KCNIP4: variants seen among roughly 807,000 people sequenced by gnomAD.
KCNIP4 encodes the protein potassium voltage-gated channel interacting protein 4, also known as Kv channel-interacting protein 4.
KCNIP4 carries 12 observed loss-of-function variants against 34.0 expected under a neutral mutation model. That is an observed-to-expected ratio of 0.35 (90% CI 0.23 to 0.57). The LOEUF (loss-of-function observed/expected upper bound fraction) is 0.57, where lower values mean the gene tolerates loss of function less well. KCNIP4 is among the 20% of genes least tolerant of loss of function. The pLI, the probability that KCNIP4 is intolerant of heterozygous loss-of-function variation, is 0.83. For missense variants in KCNIP4, 238 were observed against 311.7 expected (o/e 0.76, Z 1.78); for synonymous variants, 124 against 102.2 (o/e 1.21, Z -1.29).
At chr4:21,688,556 C>G (rs984598339) in intron 1 of KCNIP4, among the ~76,000 whole-genome samples, 2 of 151,850 alleles carry the variant, frequency 1.3e-5, no homozygotes, top group African/African-American at 2.4e-5. Flanking sequence ...TATCAGAGCT[C>G]AAAAAGAAAA....
intron 1 of KCNIP4, among the ~76,000 whole-genome samples, chr4:21,118,956 T>TTATG (rs1749914473): frequency 6.6e-6 from 1 of 152,180 alleles, no homozygotes; most frequent in Non-Finnish European, 1.5e-5. Context: ...TCAGTCACCA[T>TTATG]TATGTTTGAA....
intron 1 of KCNIP4, among the ~76,000 whole-genome samples, chr4:21,780,464 G>A (rs1315688795): frequency 3.3e-5 from 5 of 152,140 alleles, no homozygotes; most frequent in Admixed American, 6.5e-5. Context: ...AGACTTGTGA[G>A]CTATTTTTTT....
At chr4:21,858,703 T>C (rs1053542181) in intron 1 of KCNIP4, among the ~76,000 whole-genome samples, 10 of 152,254 alleles carry the variant, frequency 6.6e-5, no homozygotes, top group Non-Finnish European at 1.5e-4. Context: ...TCACTCCTAA[T>C]TGTGTGTGCT....
chr4:20,898,080 TA>T (rs1322807817), intron 1 of KCNIP4, among the ~76,000 whole-genome samples: 4 of 151,942 alleles, frequency 2.6e-5, no homozygotes, highest in African/African-American at 7.2e-5. Context: ...CATAGGAGGG[TA>T]AGTTCCCTCT....
intron 3 of KCNIP4, among the ~76,000 whole-genome samples, chr4:20,825,650 G>C (rs1055693949): frequency 6.6e-6 from 1 of 152,178 alleles, no homozygotes; most frequent in Non-Finnish European, 1.5e-5. Flanking sequence ...GCAGATAATG[G>C]GACACACAGC....
At chr4:21,704,400 C>A (rs1713105950) in intron 1 of KCNIP4, among the ~76,000 whole-genome samples, 1 of 151,966 alleles carries the variant, frequency 6.6e-6, no homozygotes, top group Non-Finnish European at 1.5e-5. Context: ...TCATCAGAGA[C>A]CCTGTCAAGA....
chr4:21,515,361 G>A (rs1203184371), intron 1 of KCNIP4, among the ~76,000 whole-genome samples: 2 of 152,162 alleles, frequency 1.3e-5, no homozygotes, highest in African/African-American at 4.8e-5. Flanking sequence ...ACTTTAGGCT[G>A]AGTGAGGTGG....
At chr4:21,277,900 A>G (rs763492613) in intron 1 of KCNIP4, among the ~76,000 whole-genome samples, 3 of 152,206 alleles carry the variant, frequency 2.0e-5, no homozygotes, top group Non-Finnish European at 4.4e-5. Flanking sequence ...AAAATGCTAA[A>G]CAGCTTCCAG....
At position 21,302,021 on chromosome 4, in the gene KCNIP4, A is replaced by G. The variant is rs570230372; in HGVS notation, c.62-419312T>C. ...TCCTAACAATCACTGGAAATCATAT[A>G]TGAAGTTTATATTAAAGTTTCTGAG... On this transcript the variant is annotated intron_variant, in intron 1 of 8. Transcript: ENST00000382152. Among the ~76,000 whole-genome samples the G allele has an allele frequency of 3.9e-5, 6 of 152,320 alleles. No homozygotes were observed. In the East Asian group the frequency reaches 1.2e-3, roughly 29 times the overall value.
intron 1 of KCNIP4, among the ~76,000 whole-genome samples, chr4:21,290,453 A>G (rs932104068): frequency 1.3e-5 from 2 of 152,232 alleles, no homozygotes; most frequent in Non-Finnish European, 2.9e-5. Flanking sequence ...TTCAAAGAAG[A>G]AATGAAAAAT....
At chr4:21,553,071 G>T (rs1172573225) in intron 1 of KCNIP4, among the ~76,000 whole-genome samples, 1 of 151,528 alleles carries the variant, frequency 6.6e-6, no homozygotes, top group East Asian at 2.0e-4. Context: ...GGTGAAGAAA[G>T]CACAGATGAA....
intron 1 of KCNIP4, among the ~76,000 whole-genome samples, chr4:21,471,135 G>A (rs1560438263): frequency 2.0e-5 from 3 of 152,128 alleles, no homozygotes; most frequent in African/African-American, 7.2e-5. Flanking sequence ...TGAGAACTAG[G>A]TTTGTATAAG....
At chr4:21,328,500 G>GACTGT (rs1715309547) in intron 1 of KCNIP4, among the ~76,000 whole-genome samples, 1 of 152,162 alleles carries the variant, frequency 6.6e-6, no homozygotes, top group Non-Finnish European at 1.5e-5. Context: ...CCACCAGTTG[G>GACTGT]ACTGTACTGA....
intron 1 of KCNIP4, among the ~76,000 whole-genome samples, chr4:21,023,588 C>A (rs551192929): frequency 4.6e-5 from 7 of 152,152 alleles, no homozygotes; most frequent in East Asian, 1.9e-4. Context: ...CATATTTAAA[C>A]CATTAGGAAA....
intron 1 of KCNIP4, among the ~76,000 whole-genome samples, chr4:20,946,009 C>A (rs760078788): frequency 1.8e-4 from 27 of 152,100 alleles, no homozygotes; most frequent in Non-Finnish European, 3.7e-4. Flanking sequence ...GAGAAGGCTG[C>A]TGTTGATAGT....
intron 1 of KCNIP4, among the ~76,000 whole-genome samples, chr4:20,893,040 C>T (rs1726110582): frequency 6.6e-6 from 1 of 152,106 alleles, no homozygotes; most frequent in African/African-American, 2.4e-5. Flanking sequence ...GGGAGTTGTC[C>T]TAACACCCCA....
At chr4:21,071,640 T>C (rs1422144695) in intron 1 of KCNIP4, among the ~76,000 whole-genome samples, 1 of 152,180 alleles carries the variant, frequency 6.6e-6, no homozygotes, top group East Asian at 1.9e-4. Flanking sequence ...TATTTTTTTA[T>C]CTTTTGATTT....
intron 1 of KCNIP4, among the ~76,000 whole-genome samples, chr4:21,394,613 G>A (rs1220868959): frequency 2.0e-5 from 3 of 152,028 alleles, no homozygotes; most frequent in Admixed American, 2.0e-4. Flanking sequence ...ACTGTCATAG[G>A]CTCGAACAAG....
chr4:20,785,771 T>C (rs913148107), intron 3 of KCNIP4, among the ~76,000 whole-genome samples: 1 of 152,034 alleles, frequency 6.6e-6, no homozygotes, highest in Non-Finnish European at 1.5e-5. Context: ...CAACTCAAGA[T>C]GTATTAAAGA....
Sources: allele counts gnomAD v4.1 joint callset (sites outside exome capture counted in the v4.1 genomes callset), GRCh38; gene constraint gnomAD v4.1.1; transcripts MANE v1.5; gene names NCBI Gene and HGNC (gene_info 2026-07-23, HGNC 2026-07-21).